NUP214: variants seen among roughly 807,000 people sequenced by gnomAD.
NUP214 encodes the protein nuclear pore complex protein Nup214.
In NUP214, 79 loss-of-function variants were observed where a neutral mutation model predicts 196.2. The ratio of observed to expected loss-of-function variants is 0.40; its 90% CI spans 0.34 to 0.49. The LOEUF (loss-of-function observed/expected upper bound fraction) is 0.49. Among genes scored for constraint, NUP214 ranks in the 20% least tolerant of loss-of-function variants. The probability of loss-of-function intolerance (pLI) is 0.58; values close to 1 mark genes in which losing one functional copy is unlikely to be tolerated. For synonymous variants in NUP214, 1,020 were observed against 990.5 expected (o/e 1.03, Z -0.56); for missense variants, 2,468 against 2,539.0 (o/e 0.97, Z 0.60).
intron 30 of NUP214, among the ~76,000 whole-genome samples, chr9:131,204,461 C>G (rs1311010069): frequency 1.3e-5 from 2 of 152,078 alleles, no homozygotes; most frequent in African/African-American, 4.8e-5. Flanking sequence ...TAGCCTCTGT[C>G]AGAAGCACTT....
rs1269485128 is a variant in NUP214, at chr9:131,228,064, C to G, written c.5903-96C>G. 1.5e-5 allele frequency: 18 copies of G among 1,230,362 alleles called. No homozygotes were observed. In the Admixed American group the frequency reaches 4.2e-4, roughly 29 times the overall value. The allele number at this position is 1,230,362 out of a possible 1,614,324, so 76.2% of individuals were successfully genotyped here. A position where few individuals can be genotyped will look rare whatever the true frequency, so the allele number is the denominator to read the frequency against. ...ACATCCTCTTTTCCCTTTTTTCTTC[C>G]TATTTTGATTTGGTTTCTCATTGCT... On this transcript the variant is annotated intron_variant, in intron 32 of 35. Coordinates refer to ENST00000359428, the MANE Select transcript of NUP214 (RefSeq NM_005085.4).
intron 30 of NUP214, among the ~76,000 whole-genome samples, chr9:131,205,305 C>G (rs1834047571): frequency 6.6e-6 from 1 of 152,140 alleles, no homozygotes. Flanking sequence ...AAAAGAAAGA[C>G]AGCTATACCC....
At chr9:131,188,073 A>G (rs1002706836) in intron 25 of NUP214, among the ~76,000 whole-genome samples, 1 of 152,182 alleles carries the variant, frequency 6.6e-6, no homozygotes, top group African/African-American at 2.4e-5. Context: ...GACCAACGCA[A>G]ACTCTCACGA....
Position 131,232,216 on chromosome 9 carries a change from A to G in NUP214, c.6215-68A>G. ...GAAGCACAGAGGAGGGCAGACACTT[A>G]GCATGGGGACCACCTTTGTCTTTCG... On this transcript the variant is annotated intron_variant, in intron 34 of 35. Transcript: ENST00000359428. The surrounding 1 kb of genome is among the most constrained non-coding windows in gnomAD (Gnocchi z 5.1). The G allele has an allele frequency of 5.1e-6, 8 of 1,566,502 alleles. No homozygotes were observed. The highest frequency in any genetic ancestry group is 7.0e-6 in the Non-Finnish European group (8 of 1,136,504).
chr9:131,127,429 C>T, intron 1 of NUP214, 95 bp from the exon 2 acceptor site: 1 of 936,566 alleles, frequency 1.1e-6, no homozygotes, highest in South Asian at 1.6e-5. Flanking sequence ...CTCAGTAATA[C>T]ATATTTTTGT....
intron 19 of NUP214, 66 bp downstream of exon 19, chr9:131,163,239 G>GA: frequency 6.7e-7 from 1 of 1,496,094 alleles, no homozygotes; most frequent in South Asian, 1.3e-5. Flanking sequence ...GGGAGTCTTA[G>GA]AGTGGTTCAG....
rs1414378980 is a variant in NUP214 at position 131,222,797 on chromosome 9, A to G, written c.5769A>G (p.Gly1923=). ...CTTCAGATACCTCTAACCTATTTGGAAACAGTGGGGCCAAGACATTTGGTG... is the reference window on the plus strand; with the variant it reads ...CTTCAGATACCTCTAACCTATTTGGGAACAGTGGGGCCAAGACATTTGGTG... ...TATSNTSNLF[G]NSGAKTFGGF... Residue 1923 remains glycine (G), a synonymous_variant, in exon 32 of 36, where the codon GGA becomes GGG. Coordinates refer to ENST00000359428, the MANE Select transcript of NUP214 (RefSeq NM_005085.4). The G allele has an allele frequency of 2.5e-6, 4 of 1,613,976 alleles. No homozygotes were observed. The highest frequency in any genetic ancestry group is 3.4e-6 in the Non-Finnish European group (4 of 1,180,006).
chr9:131,138,865 C>T (rs1445319259), intron 9 of NUP214, among the ~76,000 whole-genome samples: 1 of 152,206 alleles, frequency 6.6e-6, no homozygotes, highest in Non-Finnish European at 1.5e-5. Flanking sequence ...CAGTAGAGAT[C>T]AGCTGGAGTT....
At position 131,173,893 on chromosome 9, in the gene NUP214, A is replaced by G. The variant is rs529262584; in HGVS notation, c.2894-162A>G. On this transcript the variant is annotated intron_variant, in intron 21 of 35. Coordinates refer to ENST00000359428, the MANE Select transcript of NUP214 (RefSeq NM_005085.4). ...CCCATCTGAGCAAAGACCCAAAACC[A>G]TTTTTGTTCACATTTGACAATACCT... Among the ~76,000 whole-genome samples, 86 of 152,058 alleles carry G rather than the reference A, an allele frequency of 5.7e-4. 1 individual carries two copies. The highest frequency in any genetic ancestry group is 2.0e-3 in the African/African-American group (81 of 41,486).
intron 19 of NUP214, 187 bp downstream of exon 19, chr9:131,163,360 C>T: frequency 1.8e-6 from 1 of 568,892 alleles, no homozygotes; most frequent in Non-Finnish European, 3.0e-6. Flanking sequence ...ACAATACCTG[C>T]TTCGTGGGAT....
intron 30 of NUP214, among the ~76,000 whole-genome samples, chr9:131,202,510 G>A (rs573906566): frequency 7.2e-5 from 11 of 152,056 alleles, no homozygotes; most frequent in African/African-American, 2.2e-4. Flanking sequence ...TGCAACCTCC[G>A]CCTCCCAGGC....
chr9:131,126,017 T>A (rs1046030837), intron 1 of NUP214: 3 of 509,382 alleles, frequency 5.9e-6, no homozygotes, highest in Non-Finnish European at 1.0e-5. Flanking sequence ...AACTGCTGTT[T>A]ATTGAGTGTT....
intron 24 of NUP214, among the ~76,000 whole-genome samples, 193 bp downstream of exon 24, chr9:131,178,603 G>A (rs1458506148): frequency 6.6e-6 from 1 of 152,046 alleles, no homozygotes; most frequent in Non-Finnish European, 1.5e-5. Context: ...GCCGGTGACA[G>A]TTGCCTCACA....
Position 131,175,454 on chromosome 9 carries a change from T to C in NUP214, c.3158-6T>C. On this transcript the variant is annotated splice_region_variant and splice_polypyrimidine_tract_variant and intron_variant, in intron 22 of 35. Transcript: ENST00000359428. ...CACTCACACTTAATTTTTCTTTTCC[T>C]CTTAGTGGCTACATCTGCTAGCAAA... The C allele has an allele frequency of 1.2e-6, 2 of 1,614,120 alleles. No individual in the cohort carries two copies. The highest frequency in any genetic ancestry group is 8.5e-7 in the Non-Finnish European group (1 of 1,179,960).
intron 11 of NUP214, among the ~76,000 whole-genome samples, chr9:131,142,827 C>T (rs918887212): frequency 5.3e-5 from 8 of 152,086 alleles, no homozygotes; most frequent in Non-Finnish European, 8.8e-5. Flanking sequence ...CTAAGTATTA[C>T]GTTGCATTAG....
chr9:131,127,429 C>A, intron 1 of NUP214, 95 bp from the exon 2 acceptor site: 2 of 936,560 alleles, frequency 2.1e-6, no homozygotes, highest in Non-Finnish European at 1.6e-6. Context: ...CTCAGTAATA[C>A]ATATTTTTGT....
intron 13 of NUP214, 147 bp from the exon 14 acceptor site, chr9:131,147,343 G>A (rs1321123283): frequency 1.6e-6 from 1 of 635,108 alleles, no homozygotes. Flanking sequence ...AGCACAACTG[G>A]TGGTCATCAC....
Position 131,195,902 on chromosome 9 carries a change from A to T in NUP214, c.3721+608A>T, listed in dbSNP as rs537099085. ...TAGCCAGCCGTGGTGGCGCATACCT[A>T]TAATCCCAGCTACTCAGGAGGCTGA... On this transcript the variant is annotated intron_variant, in intron 28 of 35. Transcript: ENST00000359428. Among the ~76,000 whole-genome samples the T allele has an allele frequency of 1.5e-4, 23 of 151,690 alleles. 1 individual carries two copies. Among genetic ancestry groups the T allele is most frequent in the African/African-American group, 5.6e-4 (23 of 41,432 alleles).
At chr9:131,129,874 A>T (rs183175525) in intron 4 of NUP214, among the ~76,000 whole-genome samples, 99 of 152,148 alleles carry the variant, frequency 6.5e-4, no homozygotes, top group Non-Finnish European at 1.2e-3. Context: ...ATATGCTAGG[A>T]TTACAGGTGT....
Sources: gnomAD v4.1 joint callset for allele counts (sites outside exome capture counted in the v4.1 genomes callset) on GRCh38, gnomAD v4.1.1 for gene constraint, Gnocchi (gnomAD v3.1) non-coding constraint, MANE v1.5 for transcripts, NCBI Gene and HGNC (gene_info 2026-07-23, HGNC 2026-07-21) for gene names.